The following STAM variants were observed in gnomAD, a reference collection of about 807,000 sequenced individuals.
STAM encodes signal transducing adaptor molecule, also known as signal transducing adapter molecule 1.
STAM carries 16 observed loss-of-function variants against 63.4 expected under a neutral mutation model. The observed-to-expected ratio is 0.25, with a 90% CI of 0.17 to 0.38. STAM has a LOEUF of 0.38. Ranked by LOEUF, STAM falls within the 10% of genes least tolerant of loss-of-function variation. The pLI, the probability that STAM is intolerant of heterozygous loss-of-function variation, is 1.00. For missense variants in STAM, 636 were observed against 657.1 expected (o/e 0.97, Z 0.35); for synonymous variants, 238 against 223.9 (o/e 1.06, Z -0.56).
intron 2 of STAM, among the ~76,000 whole-genome samples, chr10:17,667,370 C>A (rs556470300): frequency 2.0e-5 from 3 of 152,298 alleles, no homozygotes; most frequent in Admixed American, 6.5e-5. Flanking sequence ...GATCTGCCCT[C>A]CTCAGCCTCC....
chr10:17,683,791 T>C (rs1554825752), intron 2 of STAM, among the ~76,000 whole-genome samples: 1 of 152,266 alleles, frequency 6.6e-6, no homozygotes. Context: ...AATTTTCTGC[T>C]AGTTGTGTAT....
rs182985621 is a variant in STAM at position 17,716,409 on chromosome 10, A to C, written c.*1629A>C. The stretch of plus-strand genomic sequence containing the variant: ...CTGTAAGATTACTTAAGGGTAACTT[A>C]AGTGTTTCGCTCAAGTGTTGTGTTC... On this transcript the variant is annotated 3_prime_UTR_variant, in exon 14 of 14. Transcript: ENST00000377524. Among the ~76,000 whole-genome samples the C allele has an allele frequency of 1.3e-5, 2 of 152,032 alleles. No homozygotes were observed. Among genetic ancestry groups the C allele is most frequent in the Admixed American group, 1.3e-4 (2 of 15,252 alleles).
At chr10:17,673,046 A>C (rs185396068) in intron 2 of STAM, 39 of 985,202 alleles carry the variant, frequency 4.0e-5, no homozygotes, top group Admixed American at 6.2e-5. Context: ...AAGCTTTTTG[A>C]GAGAGATGAG....
chr10:17,686,982 A>T (rs1835318752), intron 4 of STAM, among the ~76,000 whole-genome samples: 1 of 152,210 alleles, frequency 6.6e-6, no homozygotes, highest in African/African-American at 2.4e-5. Flanking sequence ...AAATAGTAAG[A>T]CTTCAAATTA....
chr10:17,653,500 G>A (rs1441360060), intron 1 of STAM, among the ~76,000 whole-genome samples: 1 of 152,176 alleles, frequency 6.6e-6, no homozygotes, highest in Non-Finnish European at 1.5e-5. Flanking sequence ...TCCTAGCACA[G>A]AAGCTTTATG....
chr10:17,705,808 C>A, intron 12 of STAM, 67 bp downstream of exon 12: 1 of 1,492,122 alleles, frequency 6.7e-7, no homozygotes, highest in Non-Finnish European at 9.0e-7. Flanking sequence ...TAGCTCATGC[C>A]TGTAATCTCA....
chr10:17,684,777 C>T (rs782289982), intron 3 of STAM, 27 bp downstream of exon 3: 3 of 1,613,146 alleles, frequency 1.9e-6, no homozygotes, highest in East Asian at 4.5e-5. Context: ...TAATCTGTAC[C>T]ACGAAATTAC....
At chr10:17,656,620 A>G (rs1554822197) in intron 1 of STAM, among the ~76,000 whole-genome samples, 4 of 152,296 alleles carry the variant, frequency 2.6e-5, no homozygotes, top group South Asian at 2.1e-4. Context: ...TGGTCATGGC[A>G]TATGTAATTC....
Position 17,644,331 on chromosome 10 carries a change from G to A in STAM, c.-9G>A. On this transcript the variant is annotated 5_prime_UTR_variant, in exon 1 of 14. Coordinates refer to ENST00000377524, the MANE Select transcript of STAM (RefSeq NM_003473.4). ...GGAGTCCCCGGGGACACCTCGGCACGCAGCGGAGATGCCTCTTTTTGCCAC... is the reference window on the plus strand; with the variant it reads ...GGAGTCCCCGGGGACACCTCGGCACACAGCGGAGATGCCTCTTTTTGCCAC... 1 of 1,614,142 alleles carries A rather than the reference G, an allele frequency of 6.2e-7. No individual in the cohort carries two copies. Among genetic ancestry groups the A allele is most frequent in the Admixed American group, 1.7e-5 (1 of 60,020 alleles).
intron 2 of STAM, among the ~76,000 whole-genome samples, chr10:17,681,911 A>G (rs1435708412): frequency 6.6e-6 from 1 of 152,234 alleles, no homozygotes; most frequent in Non-Finnish European, 1.5e-5. Context: ...CGTAGGTTAT[A>G]TGAATGATTA....
Position 17,707,540 on chromosome 10 carries a change from T to C in STAM, c.1210-1236T>C, listed in dbSNP as rs938248588. On this transcript the variant is annotated intron_variant, in intron 12 of 13. Coordinates refer to ENST00000377524, the MANE Select transcript of STAM (RefSeq NM_003473.4). ...GAATGAGGGGCCAGCACCCTGTAGA[T>C]GAACAGCTAGGCCCAAGAAACTTGG... Among the ~76,000 whole-genome samples the C allele has an allele frequency of 3.9e-5, 6 of 152,170 alleles. No homozygotes were observed. The South Asian group carries it at 1.2e-3, about 32-fold the overall frequency.
intron 5 of STAM, among the ~76,000 whole-genome samples, chr10:17,691,537 C>A (rs1554826795): frequency 1.3e-5 from 2 of 151,616 alleles, no homozygotes; most frequent in Admixed American, 1.3e-4. Context: ...TAAATAAATG[C>A]CTGTGCATTT....
chr10:17,661,648 A>G (rs566279665), intron 2 of STAM, among the ~76,000 whole-genome samples: 16 of 152,288 alleles, frequency 1.1e-4, no homozygotes, highest in African/African-American at 2.6e-4. Context: ...TTCCATTTCT[A>G]TTAATGACAA....
At chr10:17,710,749 T>C (rs1836518982) in intron 13 of STAM, among the ~76,000 whole-genome samples, 5 of 152,228 alleles carry the variant, frequency 3.3e-5, no homozygotes, top group Non-Finnish European at 7.3e-5. Flanking sequence ...AGTTTTACAC[T>C]GGCTAGGAAC....
rs566437718 is a variant in STAM, at chr10:17,715,046, C to G, written c.*266C>G. The G allele has an allele frequency of 4.3e-5, 19 of 442,462 alleles. No individual in the cohort carries two copies. Among genetic ancestry groups the G allele is most frequent in the Non-Finnish European group, 7.5e-5 (18 of 239,566 alleles). The allele number at this position is 442,462 out of a possible 1,614,324, so 27.4% of individuals were successfully genotyped here. ...AAAGAATTGATACAAGGCTATTTGTCTCGTAAACCTGGTCTGCAGAAAGTC... is the reference window on the plus strand; with the variant it reads ...AAAGAATTGATACAAGGCTATTTGTGTCGTAAACCTGGTCTGCAGAAAGTC... On this transcript the variant is annotated 3_prime_UTR_variant, in exon 14 of 14. Coordinates refer to ENST00000377524, the MANE Select transcript of STAM (RefSeq NM_003473.4).
At chr10:17,659,426 T>C (rs970889796) in intron 1 of STAM, among the ~76,000 whole-genome samples, 1 of 151,522 alleles carries the variant, frequency 6.6e-6, no homozygotes, top group Non-Finnish European at 1.5e-5. Flanking sequence ...AAAGTTATTA[T>C]TTTTATCTTC....
chr10:17,658,006 T>G (rs969996584), intron 1 of STAM, among the ~76,000 whole-genome samples: 5 of 152,028 alleles, frequency 3.3e-5, no homozygotes, highest in Non-Finnish European at 7.4e-5. Flanking sequence ...TTCTTCTGCT[T>G]GCTTAGTTTG....
At chr10:17,648,770 C>T (rs1204733420) in intron 1 of STAM, among the ~76,000 whole-genome samples, 1 of 152,208 alleles carries the variant, frequency 6.6e-6, no homozygotes, top group Admixed American at 6.5e-5. Context: ...GGTCAGTGAT[C>T]TTTTAAAAAT....
intron 2 of STAM, among the ~76,000 whole-genome samples, chr10:17,681,033 C>A (rs918727758): frequency 6.6e-6 from 1 of 152,012 alleles, no homozygotes; most frequent in Admixed American, 6.6e-5. Flanking sequence ...TTTAATTATT[C>A]GAGGAACCAG....
Sources: allele counts gnomAD v4.1 joint callset (sites outside exome capture counted in the v4.1 genomes callset), GRCh38; gene constraint gnomAD v4.1.1; transcripts MANE v1.5; gene names NCBI Gene and HGNC (gene_info 2026-07-23, HGNC 2026-07-21).